Variants in LATS1 observed in about 807,000 individuals in gnomAD.
LATS1 encodes the protein large tumor suppressor kinase 1, also known as serine/threonine-protein kinase LATS1.
Under a neutral mutation model 106.6 loss-of-function variants are expected in LATS1, and 25 were observed. The observed-to-expected ratio is 0.23, with a 90% CI of 0.17 to 0.33. The LOEUF (loss-of-function observed/expected upper bound fraction) is 0.33. Among genes scored for constraint, LATS1 ranks in the 10% least tolerant of loss-of-function variants. The pLI is 1.00. For synonymous variants in LATS1, 465 were observed against 455.6 expected (o/e 1.02, Z -0.26); for missense variants, 1,040 against 1,382.6 (o/e 0.75, Z 3.93).
chr6:149,699,816 G>A (rs1185916453), intron 2 of LATS1, among the ~76,000 whole-genome samples: 1 of 152,154 alleles, frequency 6.6e-6, no homozygotes, highest in Non-Finnish European at 1.5e-5. Context: ...CACATAGTAA[G>A]AACTCCATAA....
rs146900453 is a variant in LATS1, at chr6:149,688,727, C to G, written c.497-4135G>C. 4.6e-5 allele frequency among the ~76,000 whole-genome samples: 7 copies of G among 152,218 alleles called. No individual in the cohort carries two copies. The East Asian group carries it at 1.4e-3, about 29-fold the overall frequency. ...TGAACCTACATTCTCGAAGGAGAAG[C>G]CAGACACAAAGCAGGTGAATAAATA... On this transcript the variant is annotated intron_variant, in intron 3 of 7. Coordinates refer to ENST00000543571, the MANE Select transcript of LATS1 (RefSeq NM_004690.4).
At position 149,661,115 on chromosome 6, in the gene LATS1, T is replaced by TG. The variant is rs61694477; in HGVS notation, c.*613dup. 52,762 of 117,446 alleles carry TG rather than the reference T, an allele frequency of 0.45. 10,982 individuals carry two copies. The highest frequency in any genetic ancestry group is 0.79 in the East Asian group (6,155 of 7,768). 7.3% of individuals were successfully genotyped at this position (117,446 alleles called of 1,614,324 possible). A position where few individuals can be genotyped will look rare whatever the true frequency, so the allele number is the denominator to read the frequency against. On this transcript the variant is annotated 3_prime_UTR_variant, in exon 8 of 8. Coordinates refer to ENST00000543571, the MANE Select transcript of LATS1 (RefSeq NM_004690.4). Reference sequence around the variant, plus strand: ...ATTAAATATTCCATGGGGCGGGGGGTGGGGGGGAAGATAAATGCATTATTT... The same window carrying TG: ...ATTAAATATTCCATGGGGCGGGGGGTGGGGGGGGAAGATAAATGCATTATTT...
intron 7 of LATS1, among the ~76,000 whole-genome samples, chr6:149,675,359 C>T (rs777005821): frequency 1.3e-4 from 20 of 152,168 alleles, no homozygotes; most frequent in Admixed American, 2.0e-4. Flanking sequence ...CTTTAACCCA[C>T]GGACAATCAC....
At chr6:149,713,931 A>T (rs1784246431) in intron 1 of LATS1, among the ~76,000 whole-genome samples, 1 of 151,498 alleles carries the variant, frequency 6.6e-6, no homozygotes, top group Admixed American at 6.6e-5. Flanking sequence ...AAGTGCTGGG[A>T]TTATATAGGC....
chr6:149,717,004 A>C (rs1426551928), intron 1 of LATS1, among the ~76,000 whole-genome samples: 1 of 152,242 alleles, frequency 6.6e-6, no homozygotes, highest in Non-Finnish European at 1.5e-5. Context: ...CATAAAGTTC[A>C]AACAAGTTTC....
chr6:149,711,315 C>CA (rs1031235512), intron 1 of LATS1, among the ~76,000 whole-genome samples: 1 of 151,918 alleles, frequency 6.6e-6, no homozygotes, highest in Non-Finnish European at 1.5e-5. Flanking sequence ...GAGGCCGAGA[C>CA]AGGCGGATCA....
intron 1 of LATS1, among the ~76,000 whole-genome samples, chr6:149,709,243 CTAACAT>C (rs933016597): frequency 1.3e-5 from 2 of 152,176 alleles, no homozygotes; most frequent in Non-Finnish European, 2.9e-5. Flanking sequence ...CTGACCAGCA[CTAACAT>C]TAAAACAAAT....
intron 1 of LATS1, among the ~76,000 whole-genome samples, chr6:149,704,033 C>T (rs1025773845): frequency 6.6e-6 from 1 of 152,174 alleles, no homozygotes; most frequent in Non-Finnish European, 1.5e-5. Flanking sequence ...GATGGAGTTT[C>T]GCTCTTGTTC....
At chr6:149,678,169 A>C (rs1395563202) in intron 5 of LATS1, among the ~76,000 whole-genome samples, 6 of 139,846 alleles carry the variant, frequency 4.3e-5, no homozygotes, top group East Asian at 4.3e-4. Context: ...AAATCCAAAA[A>C]AAAAAAAAAA....
intron 7 of LATS1, among the ~76,000 whole-genome samples, chr6:149,666,210 A>G (rs1781139513): frequency 6.6e-6 from 1 of 152,132 alleles, no homozygotes; most frequent in Admixed American, 6.6e-5. Context: ...TACAATCCAA[A>G]ATAACTTAGT....
intron 1 of LATS1, 136 bp downstream of exon 1, chr6:149,717,713 C>G (rs1475159481): frequency 9.5e-6 from 2 of 210,292 alleles, no homozygotes; most frequent in African/African-American, 4.8e-5. Context: ...AAGTCAGGCC[C>G]GGAGCGGGCC....
intron 3 of LATS1, among the ~76,000 whole-genome samples, chr6:149,687,961 G>A (rs1782499518): frequency 6.8e-6 from 1 of 147,326 alleles, no homozygotes; most frequent in African/African-American, 2.5e-5. Context: ...TGCAAGCTCC[G>A]CCTCCCGGGT....
At chr6:149,716,193 T>C (rs1784380986) in intron 1 of LATS1, 1 of 152,178 alleles carries the variant, frequency 6.6e-6, no homozygotes, top group Non-Finnish European at 1.5e-5. Flanking sequence ...GAATTAAGTT[T>C]ATCAGAAAGG....
In LATS1 at chr6:149,661,468, C is replaced by A. The variant is rs1337635271; in HGVS notation, c.*261G>T. On this transcript the variant is annotated 3_prime_UTR_variant, in exon 8 of 8. Transcript: ENST00000543571. The stretch of plus-strand genomic sequence containing the variant: ...AACAAAGCACTACTTATTTTAAGTA[C>A]TTTAAGTACCAAGAACTGACTATAA... 2.9e-6 allele frequency: 1 copy of A among 339,250 alleles called. No homozygotes were observed. Among genetic ancestry groups the A allele is most frequent in the Non-Finnish European group, 5.3e-6 (1 of 188,820 alleles). The allele number at this position is 339,250 out of a possible 1,614,324, so 21.0% of individuals were successfully genotyped here.
Sources: allele counts gnomAD v4.1 joint callset (sites outside exome capture counted in the v4.1 genomes callset), GRCh38; gene constraint gnomAD v4.1.1; transcripts MANE v1.5; gene names NCBI Gene and HGNC (gene_info 2026-07-23, HGNC 2026-07-21).